SMG1: variants seen among roughly 807,000 people sequenced by gnomAD.
SMG1 encodes SMG1 nonsense mediated mRNA decay associated PI3K related kinase, also known as serine/threonine-protein kinase SMG1.
SMG1 carries 22 observed loss-of-function variants against 419.9 expected under a neutral mutation model. The ratio of observed to expected loss-of-function variants is 0.05; its 90% CI spans 0.04 to 0.07. SMG1 has a LOEUF of 0.07. SMG1 is among the 10% of genes least tolerant of loss of function. The pLI is 1.00. For synonymous variants in SMG1, 1,538 were observed against 1,553.5 expected (o/e 0.99, Z 0.23); for missense variants, 3,185 against 4,342.0 (o/e 0.73, Z 7.49).
At chr16:18,832,840 C>T (rs1433112010) in intron 51 of SMG1, 100 bp downstream of exon 51, 37 of 1,066,756 alleles carry the variant, frequency 3.5e-5, no homozygotes, top group Non-Finnish European at 4.9e-5. Flanking sequence ...TATACCTGCT[C>T]TAAAAACTAA....
chr16:18,830,459 G>A, intron 51 of SMG1, 90 bp from the exon 52 acceptor site: 2 of 1,392,992 alleles, frequency 1.4e-6, no homozygotes, highest in South Asian at 1.2e-5. Context: ...ACAGCTGCAT[G>A]CTGTGAGAGT....
At position 18,849,305 on chromosome 16, in the gene SMG1, G is replaced by A. The variant is rs375991428; in HGVS notation, c.5535C>T (p.Leu1845=). Reference sequence around the variant, plus strand: ...GTGGGGAATCTTGAGCCACACGGCAGAGAAGGTTACAAATACTTTGGCGCA... The same window carrying A: ...GTGGGGAATCTTGAGCCACACGGCAAAGAAGGTTACAAATACTTTGGCGCA... ...VYVRQSICNL[L]CRVAQDSPHL... Residue 1845 remains leucine, a synonymous_variant, in exon 36 of 63, where the codon CTC becomes CTT. Transcript: ENST00000446231. 6.2e-7 allele frequency: 1 copy of A among 1,613,858 alleles called. No individual in the cohort carries two copies. Among genetic ancestry groups the A allele is most frequent in the Non-Finnish European group, 8.5e-7 (1 of 1,179,818 alleles).
In SMG1 at chr16:18,879,498, C is replaced by T. The variant is rs1218858965; in HGVS notation, c.1515G>A (p.Thr505=). ...DYIISVLNLL[T]LIVEQINTKL... ...AGGAAAAGAATAATTCACATACCAGCGTGAGTAAATTCAAGACTGAGATGA... is the reference window on the plus strand; with the variant it reads ...AGGAAAAGAATAATTCACATACCAGTGTGAGTAAATTCAAGACTGAGATGA... The change falls in exon 11 of 63, where the codon ACG becomes ACA. Residue 505 remains threonine, a synonymous_variant. Transcript: ENST00000446231. 3.9e-5 allele frequency: 31 copies of T among 802,176 alleles called. No individual in the cohort carries two copies. Among genetic ancestry groups the T allele is most frequent in the East Asian group, 1.6e-4 (6 of 37,732 alleles). 49.7% of individuals were successfully genotyped at this position (802,176 alleles called of 1,614,324 possible). A position where few individuals can be genotyped will look rare whatever the true frequency, so the allele number is the denominator to read the frequency against.
At position 18,839,395 on chromosome 16, in the gene SMG1, C is replaced by G. The variant is rs566149243; in HGVS notation, c.6945+303G>C. On this transcript the variant is annotated intron_variant, in intron 42 of 62. Coordinates refer to ENST00000446231, the MANE Select transcript of SMG1 (RefSeq NM_015092.5). ...TGTCTGTTGTTCCCTTCTTTGTGTC[C>G]ATGTGTGCTCAATGTTTAGCTCCCA... is the stretch of plus-strand genomic sequence containing the variant. Among the ~76,000 whole-genome samples, 4 of 152,180 alleles carry G rather than the reference C, an allele frequency of 2.6e-5. No homozygotes were observed. The South Asian group carries it at 8.3e-4, about 32-fold the overall frequency.
At chr16:18,844,409 C>T (rs1402498054) in intron 39 of SMG1, among the ~76,000 whole-genome samples, 1 of 143,492 alleles carries the variant, frequency 7.0e-6, no homozygotes, top group African/African-American at 2.6e-5. Flanking sequence ...GCCTGGGCAA[C>T]AGAGACTCCA....
Position 18,872,402 on chromosome 16 carries a change from C to A in SMG1, c.2022-57G>T, listed in dbSNP as rs1042282772. On this transcript the variant is annotated intron_variant, in intron 14 of 62. Coordinates refer to ENST00000446231, the MANE Select transcript of SMG1 (RefSeq NM_015092.5). ...CTTTAATCAAAGAAAGCAAGCAAGT[C>A]CAAAGTTAAATCAACATACATCTTT... is the stretch of plus-strand genomic sequence containing the variant. 20 of 1,493,486 alleles carry A rather than the reference C, an allele frequency of 1.3e-5. No individual in the cohort carries two copies. The African/African-American group carries it at 2.7e-4, about 20-fold the overall frequency. 92.5% of individuals were successfully genotyped at this position (1,493,486 alleles called of 1,614,324 possible). A position where few individuals can be genotyped will look rare whatever the true frequency, so the allele number is the denominator to read the frequency against.
chr16:18,814,715 C>T (rs2031828379), intron 60 of SMG1, among the ~76,000 whole-genome samples: 1 of 145,608 alleles, frequency 6.9e-6, no homozygotes, highest in Non-Finnish European at 1.5e-5. Flanking sequence ...GCTGGGACTA[C>T]AAGCATCTGG....
At chr16:18,909,726 T>G (rs1208754990) in intron 1 of SMG1, among the ~76,000 whole-genome samples, 1 of 152,234 alleles carries the variant, frequency 6.6e-6, no homozygotes, top group African/African-American at 2.4e-5. Context: ...ATGTATTAAA[T>G]GAAGACAGCT....
intron 1 of SMG1, among the ~76,000 whole-genome samples, chr16:18,913,022 A>G (rs2037848860): frequency 6.6e-6 from 1 of 152,136 alleles, no homozygotes. Context: ...ATTCTGGGTG[A>G]TATTGGTGAT....
chr16:18,827,811 A>G (rs2032846352), intron 55 of SMG1, among the ~76,000 whole-genome samples: 1 of 145,112 alleles, frequency 6.9e-6, no homozygotes, highest in African/African-American at 2.5e-5. Context: ...TTTGGTATAA[A>G]TATACCAAAG....
chr16:18,819,714 G>C, intron 55 of SMG1, 60 bp from the exon 56 acceptor site: 1 of 1,426,860 alleles, frequency 7.0e-7, no homozygotes, highest in Non-Finnish European at 9.3e-7. Flanking sequence ...CCTATTTGTG[G>C]AGTATTTTAT....
intron 51 of SMG1, among the ~76,000 whole-genome samples, chr16:18,832,394 T>G (rs2033249399): frequency 6.6e-6 from 1 of 152,190 alleles, no homozygotes; most frequent in African/African-American, 2.4e-5. Flanking sequence ...TTACAATATT[T>G]AAACTAATTT....
chr16:18,845,597 G>T lies in SMG1; in HGVS notation c.6051C>A (p.Ile2017=). The change falls in exon 39 of 63, where the codon ATC becomes ATA. Residue 2017 remains isoleucine, a synonymous_variant. Transcript: ENST00000446231. ...REKHTALMKP[I]VFALEHVRSI... is the part of the protein sequence containing the mutation. ...TCCTCACATGCTCCAAAGCAAATAC[G>T]ATGGGCTTCATCAAAGCTGTGTGCT... The T allele has an allele frequency of 6.2e-7, 1 of 1,613,304 alleles. No individual in the cohort carries two copies. The highest frequency in any genetic ancestry group is 8.5e-7 in the Non-Finnish European group (1 of 1,179,868).
intron 1 of SMG1, among the ~76,000 whole-genome samples, chr16:18,924,449 A>C (rs2038313760): frequency 6.6e-6 from 1 of 152,242 alleles, no homozygotes; most frequent in African/African-American, 2.4e-5. Context: ...ACTTATACTG[A>C]TCACAATACT....
At chr16:18,921,329 G>C (rs1360766059) in intron 1 of SMG1, among the ~76,000 whole-genome samples, 1 of 152,024 alleles carries the variant, frequency 6.6e-6, no homozygotes, top group African/African-American at 2.4e-5. Context: ...CTGGACAACA[G>C]AGCAAGAGCA....
At chr16:18,844,553 T>C (rs1280709585) in intron 39 of SMG1, among the ~76,000 whole-genome samples, 5 of 50,142 alleles carry the variant, frequency 1.0e-4, no homozygotes, top group Non-Finnish European at 1.8e-4. Context: ...GAACACATAA[T>C]AAACTTCATC....
intron 60 of SMG1, among the ~76,000 whole-genome samples, chr16:18,813,697 T>C (rs1243531999): frequency 6.6e-6 from 1 of 152,238 alleles, no homozygotes; most frequent in Non-Finnish European, 1.5e-5. Context: ...TTGGCTTTTG[T>C]TGCCATTGCT....
rs778044384 is a variant in SMG1 at position 18,867,700 on chromosome 16, CTTTTT to C, written c.3195+485_3195+489del. ...AAAAACATGAACATTATTTTAACTT[CTTTTT>C]TTTTTTTTTTTTTTTTTTTCTGAGG... On this transcript the variant is annotated intron_variant, in intron 22 of 62. Coordinates refer to ENST00000446231, the MANE Select transcript of SMG1 (RefSeq NM_015092.5). Among the ~76,000 whole-genome samples, 74 of 87,876 alleles carry C rather than the reference CTTTTT, an allele frequency of 8.4e-4. 1 individual carries two copies. Among genetic ancestry groups the C allele is most frequent in the Non-Finnish European group, 1.2e-3 (59 of 47,464 alleles). The allele number at this position is 87,876 out of a possible 152,430, so 57.7% of individuals were successfully genotyped here.
intron 10 of SMG1, among the ~76,000 whole-genome samples, chr16:18,881,692 G>C (rs1238356135): frequency 1.3e-5 from 2 of 152,048 alleles, no homozygotes; most frequent in Non-Finnish European, 2.9e-5. Context: ...TGGCAAGCTA[G>C]CTACCTCATT....
Sources: gnomAD v4.1 joint callset for allele counts (sites outside exome capture counted in the v4.1 genomes callset) on GRCh38, gnomAD v4.1.1 for gene constraint, MANE v1.5 for transcripts, NCBI Gene and HGNC (gene_info 2026-07-23, HGNC 2026-07-21) for gene names.